The following LINGO2 variants were observed in gnomAD, a reference collection of about 807,000 sequenced individuals.
LINGO2 encodes leucine-rich repeat and immunoglobulin-like domain-containing nogo receptor-interacting protein 2.
LINGO2 carries 14 observed loss-of-function variants against 30.6 expected under a neutral mutation model. The observed-to-expected ratio is 0.46, with a 90% CI of 0.30 to 0.72. The LOEUF (loss-of-function observed/expected upper bound fraction) is 0.72, where lower values mean the gene tolerates loss of function less well. Ranked by LOEUF, LINGO2 falls within the 30% of genes least tolerant of loss-of-function variation. LINGO2 has a pLI of 0.07. For missense variants in LINGO2, 729 were observed against 751.7 expected (o/e 0.97, Z 0.35); for synonymous variants, 317 against 288.5 (o/e 1.10, Z -1.00).
intron 1 of LINGO2, among the ~76,000 whole-genome samples, chr9:28,629,597 A>T (rs1012565948): frequency 6.6e-6 from 1 of 152,118 alleles, no homozygotes; most frequent in Non-Finnish European, 1.5e-5. Flanking sequence ...ATTAAATTCT[A>T]TATCATTCAT....
At chr9:28,452,397 A>G (rs1824682296) in intron 2 of LINGO2, among the ~76,000 whole-genome samples, 1 of 151,842 alleles carries the variant, frequency 6.6e-6, no homozygotes, top group Non-Finnish European at 1.5e-5. Flanking sequence ...ATAGAGGAAT[A>G]TATATGGGAA....
the LINGO2 span, among the ~76,000 whole-genome samples, chr9:29,152,256 T>TA: frequency 6.6e-6 from 1 of 152,156 alleles, no homozygotes; most frequent in African/African-American, 2.4e-5. Flanking sequence ...ATTTAGCAAC[T>TA]TTTCAAAGAT....
At chr9:29,115,564 T>C in the LINGO2 span, among the ~76,000 whole-genome samples, 1 of 150,394 alleles carries the variant, frequency 6.6e-6, no homozygotes, top group South Asian at 2.1e-4. Context: ...GAGCCAAAGA[T>C]TTCACTTGGC....
intron 4 of LINGO2, among the ~76,000 whole-genome samples, chr9:28,259,666 G>C (rs899758738): frequency 6.6e-6 from 1 of 151,898 alleles, no homozygotes; most frequent in African/African-American, 2.4e-5. Context: ...ATGTTAAAAG[G>C]AGACCAGTAG....
chr9:28,202,725 A>G (rs903022457), intron 4 of LINGO2, among the ~76,000 whole-genome samples: 1 of 152,168 alleles, frequency 6.6e-6, no homozygotes, highest in African/African-American at 2.4e-5. Context: ...ATTTTCACAA[A>G]TGTAAAATGG....
At chr9:29,040,411 C>G in the LINGO2 span, among the ~76,000 whole-genome samples, 1 of 151,852 alleles carries the variant, frequency 6.6e-6, no homozygotes, top group African/African-American at 2.4e-5. Flanking sequence ...TAGCCATTTT[C>G]CCTTTAAAAC....
intron 1 of LINGO2, among the ~76,000 whole-genome samples, chr9:28,640,036 C>T (rs1827495329): frequency 6.6e-6 from 1 of 151,836 alleles, no homozygotes; most frequent in South Asian, 2.1e-4. Flanking sequence ...AATCTCTCAG[C>T]ATTTGCTTGT....
At chr9:28,637,279 G>C (rs1278411306) in intron 1 of LINGO2, among the ~76,000 whole-genome samples, 1 of 151,988 alleles carries the variant, frequency 6.6e-6, no homozygotes, top group East Asian at 1.9e-4. Flanking sequence ...TTGTTCTTTT[G>C]GCTTAGGATT....
the LINGO2 span, among the ~76,000 whole-genome samples, chr9:28,828,441 CAAAT>C: frequency 6.6e-6 from 1 of 152,032 alleles, no homozygotes; most frequent in African/African-American, 2.4e-5. Context: ...ATAACAATTT[CAAAT>C]ATTTATAACA....
the LINGO2 span, among the ~76,000 whole-genome samples, chr9:29,111,821 A>C: frequency 1.2e-5 from 1 of 84,718 alleles, no homozygotes; most frequent in Non-Finnish European, 2.5e-5. Flanking sequence ...AGATTTAAAG[A>C]TATATATATA....
intron 1 of LINGO2, among the ~76,000 whole-genome samples, chr9:28,529,496 AG>A (rs1821149495): frequency 6.6e-6 from 1 of 152,074 alleles, no homozygotes; most frequent in South Asian, 2.1e-4. Flanking sequence ...CACAGTACAG[AG>A]ATAAGGTAGA....
intron 2 of LINGO2, among the ~76,000 whole-genome samples, chr9:28,379,464 G>T (rs377309722): frequency 6.6e-6 from 1 of 152,010 alleles, no homozygotes; most frequent in Non-Finnish European, 1.5e-5. Context: ...GCTCCAATTG[G>T]TTATCTATCT....
chr9:28,917,447 T>C, the LINGO2 span, among the ~76,000 whole-genome samples: 1 of 151,932 alleles, frequency 6.6e-6, no homozygotes, highest in South Asian at 2.1e-4. Context: ...ATAGGTTTTT[T>C]TGGGTTTTTT....
chr9:28,510,408 A>T (rs1820324912), intron 1 of LINGO2, among the ~76,000 whole-genome samples: 1 of 152,096 alleles, frequency 6.6e-6, no homozygotes. Flanking sequence ...TATTAAGAAA[A>T]TCATAAGGAA....
At chr9:28,118,511 T>C (rs185047900) in intron 4 of LINGO2, among the ~76,000 whole-genome samples, 1 of 152,134 alleles carries the variant, frequency 6.6e-6, no homozygotes, top group East Asian at 1.9e-4. Flanking sequence ...CTATCTAACT[T>C]TGGAGTGGCA....
At chr9:28,991,043 G>C in the LINGO2 span, among the ~76,000 whole-genome samples, 5 of 152,168 alleles carry the variant, frequency 3.3e-5, no homozygotes, top group African/African-American at 1.2e-4. Context: ...GAGAGAAGAA[G>C]GCTTCAGACG....
chr9:29,009,578 T>A, the LINGO2 span, among the ~76,000 whole-genome samples: 3 of 152,122 alleles, frequency 2.0e-5, no homozygotes, highest in South Asian at 2.1e-4. Context: ...GTAGGAAGAA[T>A]CAATATCATG....
At chr9:29,104,625 C>G in the LINGO2 span, among the ~76,000 whole-genome samples, 4 of 151,940 alleles carry the variant, frequency 2.6e-5, no homozygotes, top group Non-Finnish European at 5.9e-5. Context: ...GACGAAATAC[C>G]AAAGAAGTCT....
At chr9:27,977,592 T>C (rs1718159578) in intron 5 of LINGO2, among the ~76,000 whole-genome samples, 2 of 151,926 alleles carry the variant, frequency 1.3e-5, no homozygotes, top group African/African-American at 4.8e-5. Context: ...ACAAGTTTTA[T>C]TAGAAATAAA....
Sources: allele counts gnomAD v4.1 joint callset (sites outside exome capture counted in the v4.1 genomes callset), GRCh38; gene constraint gnomAD v4.1.1; transcripts MANE v1.5; gene names NCBI Gene and HGNC (gene_info 2026-07-23, HGNC 2026-07-21).